Variants in CNTN4 observed in about 807,000 individuals in gnomAD.
The protein encoded by CNTN4 is contactin 4.
CNTN4 carries 77 observed loss-of-function variants against 122.5 expected under a neutral mutation model. That is an observed-to-expected ratio of 0.63 (90% CI 0.52 to 0.76). CNTN4 has a LOEUF of 0.76. CNTN4 is among the 30% of genes least tolerant of loss of function. CNTN4 has a pLI of 0.00. For missense variants in CNTN4, 1,256 were observed against 1,259.1 expected (o/e 1.00, Z 0.04); for synonymous variants, 512 against 447.0 (o/e 1.15, Z -1.83).
intron 2 of CNTN4, among the ~76,000 whole-genome samples, chr3:2,142,113 G>A (rs1164864315): frequency 1.3e-5 from 2 of 152,198 alleles, no homozygotes; most frequent in African/African-American, 2.4e-5. Flanking sequence ...CACTGCTTTG[G>A]TTTAGCATGG....
intron 16 of CNTN4, among the ~76,000 whole-genome samples, chr3:3,032,989 C>T (rs1699304174): frequency 2.0e-5 from 3 of 152,180 alleles, no homozygotes; most frequent in Admixed American, 2.0e-4. Flanking sequence ...TCTCCAGTGT[C>T]CAAACTCATA....
chr3:2,497,689 C>A (rs1039366388), intron 3 of CNTN4, among the ~76,000 whole-genome samples: 1 of 152,100 alleles, frequency 6.6e-6, no homozygotes, highest in African/African-American at 2.4e-5. Context: ...TTTTCCTGTT[C>A]TTGCCTACCC....
intron 7 of CNTN4, among the ~76,000 whole-genome samples, chr3:2,859,614 C>T (rs1363154333): frequency 6.6e-6 from 1 of 151,694 alleles, no homozygotes; most frequent in Admixed American, 6.6e-5. Context: ...CAATATTTCT[C>T]AAACTTTCTC....
At chr3:2,143,200 G>A (rs2035085111) in intron 2 of CNTN4, among the ~76,000 whole-genome samples, 1 of 151,934 alleles carries the variant, frequency 6.6e-6, no homozygotes. Context: ...CATTTTCTTT[G>A]TTACTTAGAA....
At chr3:2,680,723 G>A (rs2085119363) in intron 4 of CNTN4, among the ~76,000 whole-genome samples, 1 of 152,098 alleles carries the variant, frequency 6.6e-6, no homozygotes, top group African/African-American at 2.4e-5. Flanking sequence ...TCATGACATG[G>A]ATAGGTGCTT....
chr3:2,176,416 A>G (rs927596711), intron 2 of CNTN4, among the ~76,000 whole-genome samples: 1 of 152,176 alleles, frequency 6.6e-6, no homozygotes, highest in African/African-American at 2.4e-5. Context: ...TTGTTTTAAT[A>G]GTAGAAATAT....
chr3:2,941,668 C>T (rs551923745), intron 13 of CNTN4, among the ~76,000 whole-genome samples: 8 of 152,230 alleles, frequency 5.3e-5, no homozygotes, highest in Admixed American at 1.3e-4. Flanking sequence ...GCAGTAGCCC[C>T]GACGCGTCGC....
intron 6 of CNTN4, among the ~76,000 whole-genome samples, chr3:2,778,183 C>T (rs533788054): frequency 2.8e-5 from 4 of 141,430 alleles, no homozygotes; most frequent in South Asian, 4.9e-4. Flanking sequence ...CACTGCACTC[C>T]AGCCTGGGCG....
At chr3:2,428,594 T>C (rs2047936480) in intron 3 of CNTN4, among the ~76,000 whole-genome samples, 1 of 152,162 alleles carries the variant, frequency 6.6e-6, no homozygotes, top group Non-Finnish European at 1.5e-5. Flanking sequence ...GCATTCTCTG[T>C]ATTTCCTGAA....
At chr3:2,180,143 A>G (rs1402982702) in intron 2 of CNTN4, among the ~76,000 whole-genome samples, 7 of 151,950 alleles carry the variant, frequency 4.6e-5, no homozygotes. Context: ...GATTTTATAG[A>G]TGTTTTTATG....
intron 3 of CNTN4, among the ~76,000 whole-genome samples, chr3:2,498,151 A>C (rs761017642): frequency 1.1e-4 from 16 of 152,132 alleles, no homozygotes; most frequent in Non-Finnish European, 2.1e-4. Flanking sequence ...ATGAATACTT[A>C]TGGAGTTTGA....
At chr3:2,655,552 A>G (rs2083550301) in intron 4 of CNTN4, among the ~76,000 whole-genome samples, 1 of 152,114 alleles carries the variant, frequency 6.6e-6, no homozygotes, top group Non-Finnish European at 1.5e-5. Flanking sequence ...CTCTGCCTGT[A>G]TTCTAGCATG....
chr3:2,653,447 A>G (rs942065944), intron 4 of CNTN4, among the ~76,000 whole-genome samples: 5 of 152,186 alleles, frequency 3.3e-5, no homozygotes, highest in Non-Finnish European at 7.4e-5. Flanking sequence ...GAGAATTGTC[A>G]AATGAGGAAA....
chr3:2,649,952 A>G (rs535807795), intron 4 of CNTN4, among the ~76,000 whole-genome samples: 120 of 151,058 alleles, frequency 7.9e-4, no homozygotes, highest in African/African-American at 2.6e-3. Context: ...AACATGGTGA[A>G]ACCCTGTCTA....
At chr3:2,413,508 T>C (rs2047302839) in intron 3 of CNTN4, among the ~76,000 whole-genome samples, 1 of 152,192 alleles carries the variant, frequency 6.6e-6, no homozygotes, top group African/African-American at 2.4e-5. Context: ...TTTTTCATAG[T>C]ATTTTTCTAT....
chr3:2,108,136 C>G (rs1408503755), intron 2 of CNTN4, among the ~76,000 whole-genome samples: 3 of 151,756 alleles, frequency 2.0e-5, no homozygotes, highest in Admixed American at 1.3e-4. Context: ...AATCTAATCA[C>G]CCATCCTGGA....
chr3:2,292,767 G>A (rs1176153063), intron 2 of CNTN4, among the ~76,000 whole-genome samples: 1 of 152,074 alleles, frequency 6.6e-6, no homozygotes. Flanking sequence ...ATTCCAGATA[G>A]TATTCTACAG....
chr3:2,267,160 G>A (rs770264020), intron 2 of CNTN4, among the ~76,000 whole-genome samples: 12 of 152,126 alleles, frequency 7.9e-5, no homozygotes, highest in African/African-American at 1.9e-4. Context: ...GCCAACTTAC[G>A]ATTGTGGTGT....
intron 3 of CNTN4, among the ~76,000 whole-genome samples, chr3:2,433,543 TG>T (rs2151219750): frequency 6.6e-6 from 1 of 152,314 alleles, no homozygotes; most frequent in South Asian, 2.1e-4. Context: ...ATTAGATGTA[TG>T]GCTTACAAAT....
Sources: allele counts gnomAD v4.1 joint callset (sites outside exome capture counted in the v4.1 genomes callset), GRCh38; gene constraint gnomAD v4.1.1; transcripts MANE v1.5; gene names NCBI Gene and HGNC (gene_info 2026-07-23, HGNC 2026-07-21).